The following RBM33 variants were observed in gnomAD, a reference collection of about 807,000 sequenced individuals.
RBM33 encodes the protein RNA-binding protein 33.
A neutral mutation model predicts 132.6 loss-of-function variants in RBM33; 28 were observed. The ratio of observed to expected loss-of-function variants is 0.21; its 90% confidence interval spans 0.16 to 0.29. The LOEUF is 0.29. Ranked by LOEUF, RBM33 falls within the 10% of genes least tolerant of loss-of-function variation. RBM33 has a pLI of 1.00. For synonymous variants in RBM33, 634 were observed against 593.0 expected (o/e 1.07, Z -1.01); for missense variants, 1,291 against 1,518.5 (o/e 0.85, Z 2.49).
chr7:155,661,607 C>T (rs889784215), intron 1 of RBM33, among the ~76,000 whole-genome samples: 10 of 151,864 alleles, frequency 6.6e-5, no homozygotes, highest in African/African-American at 2.4e-4. Flanking sequence ...GGAGTTTCGC[C>T]ATGTTGGCCA....
chr7:155,665,474 T>C (rs1798776700), intron 2 of RBM33, among the ~76,000 whole-genome samples: 1 of 152,238 alleles, frequency 6.6e-6, no homozygotes, highest in African/African-American at 2.4e-5. Flanking sequence ...CAATAGATCA[T>C]AGGTCTTCTG....
At chr7:155,718,531 C>T in intron 9 of RBM33, 88 bp downstream of exon 9, 2 of 1,074,872 alleles carry the variant, frequency 1.9e-6, no homozygotes, top group South Asian at 1.4e-5. Context: ...GAGGTTCCAG[C>T]CAAATATAAT....
At chr7:155,654,480 T>C (rs1389638333) in intron 1 of RBM33, among the ~76,000 whole-genome samples, 7 of 152,214 alleles carry the variant, frequency 4.6e-5, no homozygotes, top group Non-Finnish European at 8.8e-5. Flanking sequence ...TTTCTAGTAA[T>C]GCCCCAAATC....
intron 14 of RBM33, among the ~76,000 whole-genome samples, chr7:155,751,684 G>C (rs138275511): frequency 6.2e-4 from 94 of 152,336 alleles, no homozygotes; most frequent in African/African-American, 2.2e-3. Flanking sequence ...CAGTTGGGAG[G>C]TTTGTCCAAT....
At chr7:155,647,191 A>G (rs537978782) in intron 1 of RBM33, among the ~76,000 whole-genome samples, 1 of 152,348 alleles carries the variant, frequency 6.6e-6, no homozygotes, top group East Asian at 1.9e-4. Flanking sequence ...AAATTTCATG[A>G]ACAATACTGG....
chr7:155,692,626 G>A (rs149613807), intron 5 of RBM33, among the ~76,000 whole-genome samples: 18 of 152,304 alleles, frequency 1.2e-4, no homozygotes, highest in Admixed American at 3.3e-4. Context: ...TACTGCTAGT[G>A]ATACAGATAA....
At chr7:155,769,822 A>G (rs1394983810) in intron 16 of RBM33, among the ~76,000 whole-genome samples, 1 of 152,216 alleles carries the variant, frequency 6.6e-6, no homozygotes, top group African/African-American at 2.4e-5. Flanking sequence ...CACGGATTCC[A>G]GAAAAGCCCA....
chr7:155,714,929 G>A (rs1800415311), intron 8 of RBM33, among the ~76,000 whole-genome samples: 1 of 151,786 alleles, frequency 6.6e-6, no homozygotes, highest in African/African-American at 2.4e-5. Context: ...GAGTGTAAGG[G>A]AGGGGGGCGC....
At chr7:155,721,813 GTAGT>G (rs1335563833) in intron 9 of RBM33, among the ~76,000 whole-genome samples, 4 of 152,108 alleles carry the variant, frequency 2.6e-5, no homozygotes. Flanking sequence ...GGCTTTGCTT[GTAGT>G]TAGACTAATA....
intron 9 of RBM33, among the ~76,000 whole-genome samples, chr7:155,722,563 G>GT (rs1371698813): frequency 6.6e-6 from 1 of 152,110 alleles, no homozygotes; most frequent in Non-Finnish European, 1.5e-5. Context: ...ATATAAAGCT[G>GT]TAAGTCCTTA....
At position 155,776,031 on chromosome 7, in the gene RBM33, C is replaced by G. The variant is rs1390796200; in HGVS notation, c.*990C>G. 6.6e-6 allele frequency: 1 copy of G among 152,252 alleles called. No homozygotes were observed. Among genetic ancestry groups the G allele is most frequent in the Non-Finnish European group, 1.5e-5 (1 of 68,050 alleles). The allele number at this position is 152,252 out of a possible 1,614,324, so 9.4% of individuals were successfully genotyped here. ...GGATGTTCACTCTGGCCTGCCGTTC[C>G]CCGTGGCATGCGGGGTGAGGGTGGC... is the stretch of plus-strand genomic sequence containing the variant. On this transcript the variant is annotated 3_prime_UTR_variant, in exon 18 of 18. Coordinates refer to ENST00000401878, the MANE Select transcript of RBM33 (RefSeq NM_053043.3). This position sits in a 1 kb window ranked among gnomAD's most constrained non-coding sequence, Gnocchi z 4.0.
intron 3 of RBM33, among the ~76,000 whole-genome samples, chr7:155,677,453 A>C (rs1176799515): frequency 2.0e-5 from 3 of 152,098 alleles, no homozygotes; most frequent in African/African-American, 7.2e-5. Flanking sequence ...CAAGTGATCC[A>C]TCTGCCTTGG....
chr7:155,769,508 G>A (rs1802340169), intron 16 of RBM33, among the ~76,000 whole-genome samples: 1 of 152,136 alleles, frequency 6.6e-6, no homozygotes, highest in African/African-American at 2.4e-5. Context: ...GCTGATTTGG[G>A]GGTAGGCATG....
intron 8 of RBM33, among the ~76,000 whole-genome samples, chr7:155,712,368 C>G (rs1685582127): frequency 6.6e-6 from 1 of 152,228 alleles, no homozygotes; most frequent in African/African-American, 2.4e-5. Context: ...ATTTATTGAG[C>G]TACTACTCTA....
intron 9 of RBM33, among the ~76,000 whole-genome samples, chr7:155,723,001 T>G (rs1800672061): frequency 1.3e-5 from 2 of 152,256 alleles, no homozygotes; most frequent in Non-Finnish European, 2.9e-5. Flanking sequence ...ATGCATCTTC[T>G]TAACAATCGT....
chr7:155,713,374 G>A (rs1048393363), intron 8 of RBM33, among the ~76,000 whole-genome samples: 4 of 152,084 alleles, frequency 2.6e-5, no homozygotes, highest in Non-Finnish European at 5.9e-5. Context: ...GTCTGTGTGT[G>A]GGGAGACCAA....
At chr7:155,708,589 A>G (rs778542213) in intron 7 of RBM33, among the ~76,000 whole-genome samples, 2 of 152,336 alleles carry the variant, frequency 1.3e-5, no homozygotes, top group South Asian at 4.1e-4. Context: ...TAGAAATGTC[A>G]TGGATATTCA....
intron 14 of RBM33, among the ~76,000 whole-genome samples, chr7:155,762,162 C>G (rs1802058547): frequency 6.6e-6 from 1 of 152,178 alleles, no homozygotes; most frequent in South Asian, 2.1e-4. Context: ...TGGGGAGAGC[C>G]CATCTAGGCC....
rs1222212017 is a variant in RBM33, at chr7:155,780,171, AAGCTGTATGCGTTCT to A, written c.*5146_*5160del. ...GAAGCTGGTTTTGCAAGGACTGTGTAAGCTGTATGCGTTCTAGCTGTATGCGTTCTGTAGTCTTTT... is the reference window on the plus strand; with the variant it reads ...GAAGCTGGTTTTGCAAGGACTGTGTAAGCTGTATGCGTTCTGTAGTCTTTT... On this transcript the variant is annotated 3_prime_UTR_variant, in exon 18 of 18. Transcript: ENST00000401878. The A allele has an allele frequency of 3.3e-5, 5 of 152,334 alleles. No individual in the cohort carries two copies. Among genetic ancestry groups the A allele is most frequent in the Admixed American group, 6.5e-5 (1 of 15,298 alleles). 9.4% of individuals were successfully genotyped at this position (152,334 alleles called of 1,614,324 possible). A position where few individuals can be genotyped will look rare whatever the true frequency, so the allele number is the denominator to read the frequency against.
Sources: gnomAD v4.1 joint callset for allele counts (sites outside exome capture counted in the v4.1 genomes callset) on GRCh38, gnomAD v4.1.1 for gene constraint, Gnocchi (gnomAD v3.1) non-coding constraint, MANE v1.5 for transcripts, NCBI Gene and HGNC (gene_info 2026-07-23, HGNC 2026-07-21) for gene names.